NVL: variants seen among roughly 807,000 people sequenced by gnomAD.
The protein encoded by NVL is nuclear VCP like.
A neutral mutation model predicts 110.2 loss-of-function variants in NVL; 84 were observed. The ratio of observed to expected loss-of-function variants is 0.76; its 90% CI spans 0.64 to 0.91. The LOEUF is 0.91. Ranked by LOEUF, NVL falls within the 40% of genes least tolerant of loss-of-function variation. The pLI is 0.00. For missense variants in NVL, 882 were observed against 1,035.9 expected (o/e 0.85, Z 2.04); for synonymous variants, 354 against 361.1 (o/e 0.98, Z 0.22).
chr1:224,329,581 T>G lies in NVL; in HGVS notation c.57+490A>C, dbSNP rs527305623. Among the ~76,000 whole-genome samples the G allele has an allele frequency of 9.8e-5, 15 of 152,310 alleles. No homozygotes were observed. The South Asian group carries it at 2.7e-3, about 27-fold the overall frequency. The stretch of plus-strand genomic sequence containing the variant: ...GCCACACACTGCTTTTTACTGATGG[T>G]CATGAAAATGAGAAAACCGTAGGCA... On this transcript the variant is annotated intron_variant, in intron 1 of 22. Coordinates refer to ENST00000281701, the MANE Select transcript of NVL (RefSeq NM_002533.4).
At chr1:224,272,259 C>T (rs1338451308) in intron 17 of NVL, among the ~76,000 whole-genome samples, 1 of 151,074 alleles carries the variant, frequency 6.6e-6, no homozygotes, top group Non-Finnish European at 1.5e-5. Context: ...GCACAAGAAT[C>T]GCTTGAACCC....
chr1:224,303,738 T>C lies in NVL; in HGVS notation c.945A>G (p.Ala315=), dbSNP rs1668642182. The change falls in exon 9 of 23, where the codon GCA becomes GCG. Residue 315 remains alanine, a synonymous_variant. Transcript: ENST00000281701. ...CAAGCCTCACCCCAGCAATTGCATG[T>C]GCAAGTAATGTCTTCCCACAGCCTG... ...GPPGCGKTLL[A]HAIAGELDLP... 2 of 1,612,414 alleles carry C rather than the reference T, an allele frequency of 1.2e-6. No individual in the cohort carries two copies. The highest frequency in any genetic ancestry group is 1.1e-5 in the South Asian group (1 of 90,784).
Position 224,275,230 on chromosome 1 carries a change from G to C in NVL, c.2082+109C>G. 2.4e-6 allele frequency: 3 copies of C among 1,225,986 alleles called. No individual in the cohort carries two copies. The South Asian group carries it at 4.1e-5, about 17-fold the overall frequency. The allele number at this position is 1,225,986 out of a possible 1,614,324, so 75.9% of individuals were successfully genotyped here. ...TCAAATTACTAAGTGTCTTCATTAA[G>C]AGTCTCAATGCTCCCAAGGGATGAC... is the stretch of plus-strand genomic sequence containing the variant. On this transcript the variant is annotated intron_variant, in intron 17 of 22. Transcript: ENST00000281701.
chr1:224,319,132 G>GC (rs1670386230), intron 2 of NVL, among the ~76,000 whole-genome samples: 1 of 130,950 alleles, frequency 7.6e-6, no homozygotes, highest in African/African-American at 2.8e-5. Flanking sequence ...TCCAGCCTGG[G>GC]GACAGAGCAA....
At chr1:224,304,628 G>T in intron 8 of NVL, 108 bp downstream of exon 8, 1 of 947,432 alleles carries the variant, frequency 1.1e-6, no homozygotes, top group Non-Finnish European at 1.7e-6. Flanking sequence ...AACCTTCCCA[G>T]TTTCCTTTTC....
At chr1:224,316,957 G>C (rs1351641678) in intron 4 of NVL, among the ~76,000 whole-genome samples, 3 of 152,066 alleles carry the variant, frequency 2.0e-5, no homozygotes, top group South Asian at 4.2e-4. Flanking sequence ...GGCCAACATG[G>C]TGAAACCCCG....
chr1:224,329,255 GATAA>G (rs1174858810), intron 1 of NVL, among the ~76,000 whole-genome samples: 1 of 152,056 alleles, frequency 6.6e-6, no homozygotes, highest in Non-Finnish European at 1.5e-5. Context: ...TAAATACATA[GATAA>G]TAGAGTATGT....
chr1:224,308,651 A>G (rs927880743), intron 5 of NVL, among the ~76,000 whole-genome samples: 1 of 148,636 alleles, frequency 6.7e-6, no homozygotes, highest in African/African-American at 2.5e-5. Context: ...AGATCACACC[A>G]CTGCACTCCA....
intron 15 of NVL, among the ~76,000 whole-genome samples, chr1:224,283,984 T>C (rs1666623864): frequency 6.6e-6 from 1 of 152,244 alleles, no homozygotes; most frequent in Non-Finnish European, 1.5e-5. Flanking sequence ...TTGTACTTAT[T>C]AAAAATGTTA....
intron 22 of NVL, 138 bp downstream of exon 22, chr1:224,231,088 G>A (rs576701548): frequency 5.0e-5 from 29 of 578,840 alleles, no homozygotes; most frequent in South Asian, 2.1e-4. Context: ...AGCAGAGATC[G>A]CACCACTGCA....
chr1:224,313,972 C>T (rs988370873), intron 4 of NVL, among the ~76,000 whole-genome samples: 1 of 152,068 alleles, frequency 6.6e-6, no homozygotes, highest in Non-Finnish European at 1.5e-5. Context: ...CACTGGACTC[C>T]AGCCTGGGTG....
intron 19 of NVL, among the ~76,000 whole-genome samples, chr1:224,244,673 T>G (rs1217918791): frequency 1.4e-5 from 2 of 145,812 alleles, no homozygotes; most frequent in African/African-American, 5.1e-5. Context: ...GGTTTCGCCA[T>G]GTTGGTCAGG....
intron 6 of NVL, among the ~76,000 whole-genome samples, chr1:224,306,559 C>G (rs910369394): frequency 1.3e-5 from 2 of 152,036 alleles, no homozygotes; most frequent in African/African-American, 4.8e-5. Context: ...AGCCACTGCA[C>G]CCGGCCAAAA....
At chr1:224,229,209 T>C (rs1377697290) in intron 22 of NVL, among the ~76,000 whole-genome samples, 2 of 151,710 alleles carry the variant, frequency 1.3e-5, no homozygotes, top group African/African-American at 2.4e-5. Context: ...AGCAGGAGAA[T>C]AGCTTGAACT....
chr1:224,322,625 AG>A (rs1008730550), intron 2 of NVL, among the ~76,000 whole-genome samples: 4 of 152,182 alleles, frequency 2.6e-5, no homozygotes, highest in African/African-American at 9.7e-5. Flanking sequence ...GCATGTTAGA[AG>A]AAACCTAGAT....
In NVL at chr1:224,304,654, T is replaced by C. The variant is rs1668742691; in HGVS notation, c.825+82A>G. 4.9e-6 allele frequency: 6 copies of C among 1,215,388 alleles called. No homozygotes were observed. The South Asian group carries it at 6.4e-5, about 13-fold the overall frequency. The allele number at this position is 1,215,388 out of a possible 1,614,324, so 75.3% of individuals were successfully genotyped here. A position where few individuals can be genotyped will look rare whatever the true frequency, so the allele number is the denominator to read the frequency against. On this transcript the variant is annotated intron_variant, in intron 8 of 22. Coordinates refer to ENST00000281701, the MANE Select transcript of NVL (RefSeq NM_002533.4). ...TTTCCTTTTCTACACCCAGATCATA[T>C]TAGAAACAAAGAGGTAGGCTTTTTC...
chr1:224,259,498 C>T (rs1488368767), intron 18 of NVL, among the ~76,000 whole-genome samples: 10 of 152,070 alleles, frequency 6.6e-5, no homozygotes, highest in Non-Finnish European at 1.2e-4. Context: ...TTACGATATG[C>T]CACTTACATC....
intron 12 of NVL, among the ~76,000 whole-genome samples, chr1:224,290,278 G>A (rs1449863296): frequency 6.6e-6 from 1 of 152,050 alleles, no homozygotes; most frequent in Non-Finnish European, 1.5e-5. Context: ...ATAAACATCT[G>A]GACTTCTAGA....
Position 224,308,071 on chromosome 1 carries a change from G to C in NVL, c.535C>G (p.Pro179Ala), listed in dbSNP as rs761157002. 1.9e-6 allele frequency: 3 copies of C among 1,606,948 alleles called. No homozygotes were observed. In the East Asian group the frequency reaches 6.7e-5, roughly 36 times the overall value. Reference sequence around the variant, plus strand: ...AAAAAACTGTCTTTCTTTACACTTGGGGTTTTGTCAATAAACCATCCTCCT... The same window carrying C: ...AAAAAACTGTCTTTCTTTACACTTGCGGTTTTGTCAATAAACCATCCTCCT... ...SEGGWFIDKTPSVKKDSFFLD... is the reference protein window; with the variant it reads ...SEGGWFIDKTASVKKDSFFLD... The change falls in exon 6 of 23, where the codon CCA becomes GCA. Residue 179 changes from proline to alanine, a missense_variant. Pro to Ala is a conservative substitution (Grantham distance 27, BLOSUM62 -1). Coordinates refer to ENST00000281701, the MANE Select transcript of NVL (RefSeq NM_002533.4).
Sources: allele counts gnomAD v4.1 joint callset (sites outside exome capture counted in the v4.1 genomes callset), GRCh38; gene constraint gnomAD v4.1.1; transcripts MANE v1.5; gene names NCBI Gene and HGNC (gene_info 2026-07-23, HGNC 2026-07-21).